The following PHF24 variants were observed in gnomAD, a reference collection of about 807,000 sequenced individuals.
PHF24 encodes PHD finger protein 24, also known as Galpha inhibitory interacting protein.
In PHF24, 25 loss-of-function variants were observed where a neutral mutation model predicts 42.6. The observed-to-expected ratio is 0.59, with a 90% CI of 0.43 to 0.82. The LOEUF (loss-of-function observed/expected upper bound fraction) is 0.82. Ranked by LOEUF, PHF24 falls within the 40% of genes least tolerant of loss-of-function variation. PHF24 has a pLI of 0.00. For missense variants in PHF24, 470 were observed against 538.1 expected, an observed-to-expected ratio of 0.87 and a Z score of 1.25; for synonymous variants, 185 against 204.8, an observed-to-expected ratio of 0.90 and a Z score of 0.83.
chr9:34,973,607 C>T (rs994281658), intron 3 of PHF24, among the ~76,000 whole-genome samples: 2 of 152,210 alleles, frequency 1.3e-5, no homozygotes, highest in Non-Finnish European at 2.9e-5. Context: ...ATCCCCCCTT[C>T]TTCCTGCTGC....
the PHF24 span, among the ~76,000 whole-genome samples, chr9:34,707,315 T>C: frequency 6.6e-6 from 1 of 152,150 alleles, no homozygotes; most frequent in Non-Finnish European, 1.5e-5. Context: ...TGTCCAATGA[T>C]AGGATGGTGT....
the PHF24 span, among the ~76,000 whole-genome samples, chr9:34,910,635 G>A: frequency 1.2e-4 from 19 of 152,198 alleles, no homozygotes; most frequent in East Asian, 9.6e-4. Context: ...TAAACTGTTA[G>A]GGTTTCTTTT....
chr9:34,779,245 G>A, the PHF24 span, among the ~76,000 whole-genome samples: 1 of 151,906 alleles, frequency 6.6e-6, no homozygotes, highest in African/African-American at 2.4e-5. Context: ...ATAAAGATTA[G>A]AGCAGCAAGA....
the PHF24 span, among the ~76,000 whole-genome samples, chr9:34,693,993 A>G: frequency 6.6e-6 from 1 of 152,058 alleles, no homozygotes; most frequent in Non-Finnish European, 1.5e-5. Flanking sequence ...AGCCTGGCCA[A>G]CATGGTGAAA....
chr9:34,870,719 C>T, the PHF24 span, among the ~76,000 whole-genome samples: 1 of 152,104 alleles, frequency 6.6e-6, no homozygotes, highest in Non-Finnish European at 1.5e-5. Context: ...AGGTGCACAC[C>T]ACTATTCACA....
chr9:34,973,748 G>A (rs1015006810), intron 3 of PHF24, among the ~76,000 whole-genome samples: 3 of 152,114 alleles, frequency 2.0e-5, no homozygotes, highest in East Asian at 1.9e-4. Flanking sequence ...CTGCTGTACC[G>A]GCGACCTTCT....
At chr9:34,863,369 G>T in the PHF24 span, among the ~76,000 whole-genome samples, 3 of 151,948 alleles carry the variant, frequency 2.0e-5, no homozygotes, top group Non-Finnish European at 4.4e-5. Context: ...CAGTCCCAGT[G>T]GTGGTGGCCA....
chr9:34,707,271 C>A, the PHF24 span, among the ~76,000 whole-genome samples: 1 of 152,148 alleles, frequency 6.6e-6, no homozygotes, highest in East Asian at 1.9e-4. Context: ...CCTGCTGGAA[C>A]CACAGGGGTC....
the PHF24 span, among the ~76,000 whole-genome samples, chr9:34,924,382 T>C: frequency 1.3e-5 from 2 of 152,172 alleles, no homozygotes; most frequent in African/African-American, 4.8e-5. Flanking sequence ...TGTTGAAGTC[T>C]CCAGCTATTA....
the PHF24 span, among the ~76,000 whole-genome samples, chr9:34,787,891 A>G: frequency 6.6e-6 from 1 of 152,288 alleles, no homozygotes; most frequent in South Asian, 2.1e-4. Context: ...CCACCTGTTT[A>G]CCATTTCCTC....
chr9:34,893,289 G>GT, the PHF24 span: 1 of 408,748 alleles, frequency 2.4e-6, no homozygotes, highest in African/African-American at 2.0e-5. Flanking sequence ...CTACCTCCCT[G>GT]TTTTTCTTCC....
At chr9:34,831,396 A>G in the PHF24 span, among the ~76,000 whole-genome samples, 2 of 152,184 alleles carry the variant, frequency 1.3e-5, no homozygotes, top group Admixed American at 1.3e-4. Flanking sequence ...CACAGGTGGT[A>G]TAGAAACAGT....
At chr9:34,723,227 A>G in the PHF24 span, 1 of 1,550,386 alleles carries the variant, frequency 6.5e-7, no homozygotes, top group Admixed American at 2.0e-5. Context: ...GGTGAGGGTC[A>G]GGAGCTAGGT....
At chr9:34,865,169 C>A in the PHF24 span, among the ~76,000 whole-genome samples, 1 of 141,054 alleles carries the variant, frequency 7.1e-6, no homozygotes, top group Non-Finnish European at 1.5e-5. Context: ...AGCAGAGGGA[C>A]AAAGTTAAGG....
At chr9:34,907,458 G>C in the PHF24 span, among the ~76,000 whole-genome samples, 2 of 152,040 alleles carry the variant, frequency 1.3e-5, no homozygotes, top group African/African-American at 4.8e-5. Flanking sequence ...GCTTTTTGTC[G>C]GTTGATTTTC....
chr9:34,941,876 A>G, the PHF24 span, among the ~76,000 whole-genome samples: 4 of 152,146 alleles, frequency 2.6e-5, no homozygotes, highest in Non-Finnish European at 5.9e-5. Flanking sequence ...TAGGATTTCA[A>G]AATTTTGAAG....
chr9:34,719,212 A>G, the PHF24 span, among the ~76,000 whole-genome samples: 61 of 152,214 alleles, frequency 4.0e-4, no homozygotes, highest in African/African-American at 1.4e-3. Flanking sequence ...TAATTTTTGT[A>G]GTTTTAATAG....
the PHF24 span, among the ~76,000 whole-genome samples, chr9:34,737,958 T>G: frequency 7.7e-6 from 1 of 129,474 alleles, no homozygotes; most frequent in African/African-American, 3.8e-5. Context: ...TTTGTCTAGC[T>G]TTTTTTTTTT....
At chr9:34,966,117 A>G (rs1037252441) in intron 1 of PHF24, among the ~76,000 whole-genome samples, 1 of 152,234 alleles carries the variant, frequency 6.6e-6, no homozygotes, top group African/African-American at 2.4e-5. Flanking sequence ...ACACACACAA[A>G]AAAAGCAGAG....
Sources: gnomAD v4.1 joint callset for allele counts (sites outside exome capture counted in the v4.1 genomes callset) on GRCh38, gnomAD v4.1.1 for gene constraint, MANE v1.5 for transcripts, NCBI Gene and HGNC (gene_info 2026-07-23, HGNC 2026-07-21) for gene names.